ADGRA3: variants seen among roughly 807,000 people sequenced by gnomAD.
The protein encoded by ADGRA3 is G-protein coupled receptor 125.
ADGRA3 carries 56 observed loss-of-function variants against 119.8 expected under a neutral mutation model. That is an observed-to-expected ratio of 0.47 (90% CI 0.38 to 0.58). The LOEUF is 0.58. Ranked by LOEUF, ADGRA3 falls within the 20% of genes least tolerant of loss-of-function variation. ADGRA3 has a pLI of 0.00. For synonymous variants in ADGRA3, 607 were observed against 623.8 expected, an observed-to-expected ratio of 0.97 and a Z score of 0.40; for missense variants, 1,516 against 1,649.0, an observed-to-expected ratio of 0.92 and a Z score of 1.40.
intron 4 of ADGRA3, among the ~76,000 whole-genome samples, chr4:22,453,238 A>C (rs925176203): frequency 5.3e-5 from 8 of 151,918 alleles, no homozygotes; most frequent in African/African-American, 1.9e-4. Context: ...GTAAAAATAC[A>C]AAAAGCTCAA....
chr4:22,392,325 C>T (rs1714166661), intron 17 of ADGRA3, among the ~76,000 whole-genome samples: 1 of 152,152 alleles, frequency 6.6e-6, no homozygotes, highest in African/African-American at 2.4e-5. Context: ...GGAGAATCAG[C>T]CCCACTTTTG....
chr4:22,509,693 G>A (rs535365412), intron 1 of ADGRA3, among the ~76,000 whole-genome samples: 1 of 151,958 alleles, frequency 6.6e-6, no homozygotes, highest in East Asian at 2.0e-4. Flanking sequence ...GGACAAGATG[G>A]AGACTCAGGT....
intron 5 of ADGRA3, among the ~76,000 whole-genome samples, chr4:22,446,589 G>T (rs1560321611): frequency 6.6e-6 from 1 of 152,078 alleles, no homozygotes; most frequent in South Asian, 2.1e-4. Flanking sequence ...GGAGCTGGTT[G>T]GGGCTCCTAA....
intron 1 of ADGRA3, among the ~76,000 whole-genome samples, chr4:22,502,018 C>T (rs1287804759): frequency 6.6e-6 from 1 of 152,056 alleles, no homozygotes; most frequent in East Asian, 1.9e-4. Flanking sequence ...CAAGCGATCT[C>T]CATTTCTCAT....
rs536430083 is a variant in ADGRA3 at position 22,453,125 on chromosome 4, C to T, written c.473+1741G>A. Among the ~76,000 whole-genome samples the T allele has an allele frequency of 9.0e-4, 134 of 148,590 alleles. 1 individual carries two copies. Among genetic ancestry groups the T allele is most frequent in the Non-Finnish European group, 1.2e-3 (83 of 67,706 alleles). ...GCTGAGGCAGAGAATGGCGTGAACCCGGGAGGTGGAGGTTGCAGTGAGCCG... is the reference window on the plus strand; with the variant it reads ...GCTGAGGCAGAGAATGGCGTGAACCTGGGAGGTGGAGGTTGCAGTGAGCCG... On this transcript the variant is annotated intron_variant, in intron 4 of 18. Coordinates refer to ENST00000334304, the MANE Select transcript of ADGRA3 (RefSeq NM_145290.4).
At chr4:22,502,775 G>A (rs1487732312) in intron 1 of ADGRA3, among the ~76,000 whole-genome samples, 1 of 151,872 alleles carries the variant, frequency 6.6e-6, no homozygotes, top group Non-Finnish European at 1.5e-5. Context: ...ATGAAGAGTG[G>A]GAGTTTAAGC....
rs1217944347 is a variant in ADGRA3, at chr4:22,390,337, TAAAATAC to T, written c.2628-1161_2628-1155del. The stretch of plus-strand genomic sequence containing the variant: ...TCTACTGCTTATATATATATATATA[TAAAATAC>T]ATATTATATATATATAATACGTATT... On this transcript the variant is annotated intron_variant, in intron 17 of 18. Transcript: ENST00000334304. 1.8e-3 allele frequency among the ~76,000 whole-genome samples: 163 copies of T among 89,104 alleles called. 3 individuals are homozygous for T. The highest frequency in any genetic ancestry group is 5.8e-3 in the African/African-American group (131 of 22,574). 58.5% of individuals were successfully genotyped at this position (89,104 alleles called of 152,430 possible). A position where few individuals can be genotyped will look rare whatever the true frequency, so the allele number is the denominator to read the frequency against.
rs750119435 is a variant in ADGRA3 at position 22,388,110 on chromosome 4, C to T, written c.3561G>A (p.Leu1187=). 6.2e-7 allele frequency: 1 copy of T among 1,614,028 alleles called. No homozygotes were observed. The highest frequency in any genetic ancestry group is 1.3e-5 in the African/African-American group (1 of 74,926). The stretch of plus-strand genomic sequence containing the variant: ...TTGGGACATCGTAGGCATATTCTCT[C>T]AGGACTGTGAGTCGGCTTGCCCGGT... The part of the protein sequence containing the change: ...KGHRASRLTV[L]REYAYDVPTS... The change falls in exon 19 of 19, where the codon CTG becomes CTA. Residue 1187 remains leucine (L), a synonymous_variant. Transcript: ENST00000334304.
At chr4:22,427,470 A>AAC (rs1218844069) in intron 10 of ADGRA3, among the ~76,000 whole-genome samples, 4 of 152,180 alleles carry the variant, frequency 2.6e-5, no homozygotes, top group African/African-American at 9.7e-5. Context: ...ATAAAAAAAA[A>AAC]AACAACAAAT....
Position 22,442,678 on chromosome 4 carries a change from T to C in ADGRA3, c.892A>G (p.Met298Val), listed in dbSNP as rs1012984343. 6.2e-7 allele frequency: 1 copy of C among 1,613,090 alleles called. No homozygotes were observed. Among genetic ancestry groups the C allele is most frequent in the Non-Finnish European group, 8.5e-7 (1 of 1,179,576 alleles). The change falls in exon 7 of 19, where the codon ATG becomes GTG. Residue 298 changes from methionine to valine, a missense_variant. This residue lies in a region of ADGRA3 where 428 missense variants were observed against 541.9 expected (regional missense o/e 0.79). Coordinates refer to ENST00000334304, the MANE Select transcript of ADGRA3 (RefSeq NM_145290.4). ...GCAATCAAGGAGCAGTTGTGAATCATGTTCTTTTCAACAAAAATACCTTGC... is the reference window on the plus strand; with the variant it reads ...GCAATCAAGGAGCAGTTGTGAATCACGTTCTTTTCAACAAAAATACCTTGC... Reference protein sequence around the residue: ...ESQGIFVEKNMIHNCSLIASA... With the variant: ...ESQGIFVEKNVIHNCSLIASA...
intron 17 of ADGRA3, among the ~76,000 whole-genome samples, chr4:22,390,402 A>AT (rs1714084487): frequency 4.1e-4 from 1 of 2,442 alleles, no homozygotes; most frequent in African/African-American, 1.4e-3. Context: ...ATATATATAT[A>AT]AAATACGTAT....
intron 1 of ADGRA3, among the ~76,000 whole-genome samples, chr4:22,493,287 C>CT (rs1192812214): frequency 6.6e-6 from 1 of 152,104 alleles, no homozygotes; most frequent in South Asian, 2.1e-4. Flanking sequence ...ATTTCGGTAT[C>CT]TTTTTAATCT....
At chr4:22,471,025 C>T (rs927388616) in intron 2 of ADGRA3, among the ~76,000 whole-genome samples, 1 of 152,090 alleles carries the variant, frequency 6.6e-6, no homozygotes, top group African/African-American at 2.4e-5. Context: ...ACCCCAGTAC[C>T]GGAGCCAAGA....
At chr4:22,432,073 A>G (rs994804938) in intron 10 of ADGRA3, among the ~76,000 whole-genome samples, 1 of 152,126 alleles carries the variant, frequency 6.6e-6, no homozygotes, top group South Asian at 2.1e-4. Context: ...GGTATTAATG[A>G]TAATATTCTC....
chr4:22,421,881 C>CCAAAAAAAAAAAAAAAAAA (rs767609157), intron 11 of ADGRA3, among the ~76,000 whole-genome samples: 3 of 70,426 alleles, frequency 4.3e-5, no homozygotes, highest in African/African-American at 1.9e-4. Context: ...ACTCAGTCTC[C>CCAAAAAAAAAAAAAAAAAA]AAAAAAAAAA....
At chr4:22,475,051 A>C (rs1460802713) in intron 1 of ADGRA3, among the ~76,000 whole-genome samples, 1 of 152,180 alleles carries the variant, frequency 6.6e-6, no homozygotes, top group Non-Finnish European at 1.5e-5. Context: ...ATCTAAGTGA[A>C]ATTTTAAAAT....
intron 1 of ADGRA3, among the ~76,000 whole-genome samples, chr4:22,493,147 G>A (rs181871123): frequency 6.6e-5 from 10 of 152,248 alleles, no homozygotes; most frequent in East Asian, 1.9e-4. Context: ...GTATTTCTTC[G>A]TAGAGATGGG....
intron 12 of ADGRA3, among the ~76,000 whole-genome samples, chr4:22,415,520 TCTC>T (rs1560305111): frequency 1.3e-5 from 2 of 152,020 alleles, no homozygotes; most frequent in South Asian, 2.1e-4. Context: ...TACACAAATT[TCTC>T]CTAAGTACAT....
Position 22,388,845 on chromosome 4 carries a change from C to G in ADGRA3, c.2826G>C (p.Leu942Phe). 2.5e-6 allele frequency: 4 copies of G among 1,614,052 alleles called. No homozygotes were observed. The highest frequency in any genetic ancestry group is 3.4e-6 in the Non-Finnish European group (4 of 1,179,976). Residue 942 changes from leucine (L) to phenylalanine (F), a missense_variant, in exon 19 of 19, where the codon TTG (leucine) becomes TTC (phenylalanine). Transcript: ENST00000334304. ...CMYFLSIFIQ[L>F]KRHPERKYEL... Reference sequence around the variant, plus strand: ...CATATTTGCGCTCAGGGTGTCTTTTCAACTGAATAAATATGCTCAGAAAGT... The same window carrying G: ...CATATTTGCGCTCAGGGTGTCTTTTGAACTGAATAAATATGCTCAGAAAGT...
Sources: gnomAD v4.1 joint callset for allele counts (sites outside exome capture counted in the v4.1 genomes callset) on GRCh38, gnomAD v4.1.1 for gene constraint, gnomAD v4.1.1 regional missense constraint, MANE v1.5 for transcripts, NCBI Gene and HGNC (gene_info 2026-07-23, HGNC 2026-07-21) for gene names.